Variants in EPB41L3 observed in about 807,000 individuals in gnomAD.
EPB41L3 encodes the protein erythrocyte membrane protein band 4.1 like 3, also known as band 4.1-like protein 3.
Under a neutral mutation model 127.1 loss-of-function variants are expected in EPB41L3, and 57 were observed. The observed-to-expected ratio is 0.45, with a 90% CI of 0.36 to 0.56. The LOEUF is 0.56. Among genes scored for constraint, EPB41L3 ranks in the 20% least tolerant of loss-of-function variants. EPB41L3 has a pLI of 0.00. For missense variants in EPB41L3, 1,273 were observed against 1,372.2 expected (o/e 0.93, Z 1.14); for synonymous variants, 572 against 549.5 (o/e 1.04, Z -0.57).
At position 5,423,484 on chromosome 18, in the gene EPB41L3, C is replaced by A; in HGVS notation, c.1233G>T (p.Arg411Ser). The change falls in exon 11 of 23, where the codon AGG (arginine) becomes AGT (serine). Residue 411 changes from arginine (R) to serine (S), a missense_variant. Physicochemically the swap from Arg to Ser is moderately radical, Grantham distance 110. This residue lies in a region of EPB41L3 where 326 missense variants were observed against 440.2 expected (regional missense o/e 0.74). Coordinates refer to ENST00000341928, the MANE Select transcript of EPB41L3 (RefSeq NM_012307.5). ...TLGSKFRYSG[R>S]TQAQTRRASA... is the part of the protein sequence containing the mutation. ...TGGCTCTTCTCGTTTGCGCTTGTGT[C>A]CTGCCACTATAACGAAACTTGGAAC... 1 of 1,613,816 alleles carries A rather than the reference C, an allele frequency of 6.2e-7. No individual in the cohort carries two copies. Among genetic ancestry groups the A allele is most frequent in the Non-Finnish European group, 8.5e-7 (1 of 1,179,806 alleles).
At chr18:5,407,156 G>GAAAAAA in intron 15 of EPB41L3, 188 bp from the exon 16 acceptor site, 4 of 560,224 alleles carry the variant, frequency 7.1e-6, no homozygotes, top group Non-Finnish European at 9.4e-6. Flanking sequence ...AAAGGAAACA[G>GAAAAAA]AAAAAAAAAT....
upstream of EPB41L3, among the ~76,000 whole-genome samples, chr18:5,547,401 T>C (rs1416090700): frequency 6.6e-6 from 1 of 152,226 alleles, no homozygotes; most frequent in East Asian, 1.9e-4. Context: ...GTTCTTCAGA[T>C]TCTTAATTTA....
intron 3 of EPB41L3, among the ~76,000 whole-genome samples, chr18:5,557,376 G>GTT (rs147421805): frequency 3.3e-5 from 5 of 152,044 alleles, no homozygotes; most frequent in African/African-American, 1.2e-4. Flanking sequence ...CAAAACACTT[G>GTT]TTTTTTTGTT....
intron 12 of EPB41L3, among the ~76,000 whole-genome samples, chr18:5,418,196 T>C (rs2077051460): frequency 6.6e-6 from 1 of 152,198 alleles, no homozygotes; most frequent in African/African-American, 2.4e-5. Flanking sequence ...GAAGACATTC[T>C]GCCCAGAGTG....
At chr18:5,468,880 C>T (rs1248101921) in intron 3 of EPB41L3, among the ~76,000 whole-genome samples, 1 of 152,126 alleles carries the variant, frequency 6.6e-6, no homozygotes, top group Non-Finnish European at 1.5e-5. Flanking sequence ...CATGCCATTG[C>T]ACTTCAGCCT....
chr18:5,458,771 AAC>A (rs1196214900), intron 3 of EPB41L3, among the ~76,000 whole-genome samples: 1 of 152,234 alleles, frequency 6.6e-6, no homozygotes, highest in Non-Finnish European at 1.5e-5. Flanking sequence ...TTAGCGGACT[AAC>A]AGTTAATAAT....
chr18:5,469,680 C>A (rs566599013), intron 3 of EPB41L3, among the ~76,000 whole-genome samples: 1 of 152,114 alleles, frequency 6.6e-6, no homozygotes, highest in South Asian at 2.1e-4. Context: ...GGAAAAGGAA[C>A]GTCCGAAAGA....
chr18:5,512,545 G>T (rs527722935), intron 1 of EPB41L3, among the ~76,000 whole-genome samples: 1 of 152,248 alleles, frequency 6.6e-6, no homozygotes, highest in Admixed American at 6.5e-5. Flanking sequence ...GCACAATAAA[G>T]GTAGATTGGT....
chr18:5,439,170 A>T (rs964061096), intron 5 of EPB41L3, among the ~76,000 whole-genome samples: 3 of 151,878 alleles, frequency 2.0e-5, no homozygotes, highest in African/African-American at 7.3e-5. Context: ...TTACTGAAAA[A>T]TTCCTCCCAG....
chr18:5,578,868 T>A (rs1478954991), intron 3 of EPB41L3, among the ~76,000 whole-genome samples: 1 of 152,204 alleles, frequency 6.6e-6, no homozygotes, highest in Non-Finnish European at 1.5e-5. Context: ...TCTCCTGATG[T>A]TGAACATTCA....
At chr18:5,469,059 T>C (rs188825286) in intron 3 of EPB41L3, among the ~76,000 whole-genome samples, 46 of 152,296 alleles carry the variant, frequency 3.0e-4, no homozygotes, top group African/African-American at 1.1e-3. Context: ...CCCCATCCAG[T>C]TGCCCACGTA....
intron 3 of EPB41L3, among the ~76,000 whole-genome samples, chr18:5,462,580 C>T (rs995410245): frequency 1.3e-5 from 2 of 152,166 alleles, no homozygotes; most frequent in African/African-American, 4.8e-5. Flanking sequence ...ACTCCCAGCT[C>T]ATAAGCTGGA....
intron 6 of EPB41L3, 98 bp downstream of exon 6, chr18:5,437,937 G>T (rs1179649957): frequency 4.7e-6 from 5 of 1,056,204 alleles, no homozygotes; most frequent in Non-Finnish European, 5.5e-6. Context: ...GTGGATGATT[G>T]TAAGGCTACC....
intron 3 of EPB41L3, among the ~76,000 whole-genome samples, chr18:5,596,750 T>C (rs2094540421): frequency 6.6e-6 from 1 of 152,238 alleles, no homozygotes; most frequent in Non-Finnish European, 1.5e-5. Flanking sequence ...AAATGTTCTT[T>C]TAAAATAAAA....
At chr18:5,557,637 G>A (rs570692727) in intron 3 of EPB41L3, among the ~76,000 whole-genome samples, 4 of 135,624 alleles carry the variant, frequency 2.9e-5, no homozygotes, top group South Asian at 4.3e-4. Flanking sequence ...CACCCCTGTC[G>A]GCCTCCCAAA....
intron 3 of EPB41L3, among the ~76,000 whole-genome samples, chr18:5,463,377 A>C (rs1270512138): frequency 6.6e-6 from 1 of 152,162 alleles, no homozygotes; most frequent in Non-Finnish European, 1.5e-5. Context: ...CCATCCCTGA[A>C]ACTGTGAATA....
chr18:5,563,661 A>G (rs1454307165), intron 3 of EPB41L3, among the ~76,000 whole-genome samples: 1 of 152,144 alleles, frequency 6.6e-6, no homozygotes, highest in Non-Finnish European at 1.5e-5. Context: ...TCTGCCCTGA[A>G]TCCTGCTTTC....
At chr18:5,504,280 ATTTT>A (rs370797555) in intron 1 of EPB41L3, among the ~76,000 whole-genome samples, 13 of 150,658 alleles carry the variant, frequency 8.6e-5, no homozygotes, top group Admixed American at 1.3e-4. Context: ...CATCTAACAG[ATTTT>A]TTTTTTAATT....
chr18:5,485,716 T>C (rs531932980), intron 2 of EPB41L3, among the ~76,000 whole-genome samples: 295 of 152,128 alleles, frequency 1.9e-3, no homozygotes, highest in Non-Finnish European at 2.9e-3. Context: ...CTGAAAAAGA[T>C]ATCAAGAAGC....
Sources: allele counts gnomAD v4.1 joint callset (sites outside exome capture counted in the v4.1 genomes callset), GRCh38; gene constraint gnomAD v4.1.1; regional missense constraint gnomAD v4.1.1; transcripts MANE v1.5; gene names NCBI Gene and HGNC (gene_info 2026-07-23, HGNC 2026-07-21).